Variants in TEKT5 observed in about 807,000 individuals in gnomAD.
The protein encoded by TEKT5 is tektin-5.
TEKT5 carries 52 observed loss-of-function variants against 48.7 expected under a neutral mutation model. That is an observed-to-expected ratio of 1.07 (90% CI 0.86 to 1.35). The LOEUF (loss-of-function observed/expected upper bound fraction) is 1.35, where lower values mean the gene tolerates loss of function less well. Among genes scored for constraint, TEKT5 ranks in the 40% most tolerant of loss-of-function variants. The pLI is 0.00. For missense variants in TEKT5, 831 were observed against 641.6 expected, an observed-to-expected ratio of 1.30 and a Z score of -3.19; for synonymous variants, 318 against 267.6, an observed-to-expected ratio of 1.19 and a Z score of -1.84.
intron 3 of TEKT5, among the ~76,000 whole-genome samples, chr16:10,684,951 G>A (rs1007310968): frequency 4.6e-5 from 7 of 152,258 alleles, no homozygotes; most frequent in Non-Finnish European, 8.8e-5. Context: ...TTGGCCACCT[G>A]AGCAGGTCAG....
At chr16:10,630,071 G>A (rs1279539740) in intron 6 of TEKT5, among the ~76,000 whole-genome samples, 1 of 151,996 alleles carries the variant, frequency 6.6e-6, no homozygotes, top group Non-Finnish European at 1.5e-5. Context: ...AAGTACCTGG[G>A]TCTACAGGCG....
chr16:10,676,451 C>T (rs1406947811), intron 4 of TEKT5, among the ~76,000 whole-genome samples: 1 of 152,142 alleles, frequency 6.6e-6, no homozygotes, highest in Non-Finnish European at 1.5e-5. Context: ...TGTTGAGAAC[C>T]ACTGTCCTGA....
At chr16:10,646,783 G>A (rs1375038053) in intron 5 of TEKT5, among the ~76,000 whole-genome samples, 1 of 152,198 alleles carries the variant, frequency 6.6e-6, no homozygotes, top group Admixed American at 6.6e-5. Flanking sequence ...CACCTAGGAA[G>A]GAGGCCAGCC....
rs541645091 is a variant in TEKT5, at chr16:10,646,563, C to G, written c.1087-10645G>C. Among the ~76,000 whole-genome samples, 7 of 152,288 alleles carry G rather than the reference C, an allele frequency of 4.6e-5. No homozygotes were observed. The East Asian group carries it at 1.2e-3, about 25-fold the overall frequency. ...GACTGAATGAGGTTGGGCCCATAACCTATGGGCACCAAGAAATTGCTTAAA... is the reference window on the plus strand; with the variant it reads ...GACTGAATGAGGTTGGGCCCATAACGTATGGGCACCAAGAAATTGCTTAAA... On this transcript the variant is annotated intron_variant, in intron 5 of 6. Coordinates refer to ENST00000283025, the MANE Select transcript of TEKT5 (RefSeq NM_144674.2).
intron 6 of TEKT5, among the ~76,000 whole-genome samples, chr16:10,628,753 A>T (rs191136368): frequency 3.9e-5 from 6 of 152,138 alleles, no homozygotes; most frequent in Non-Finnish European, 8.8e-5. Flanking sequence ...GAAAATACAA[A>T]AAGTTAGCCA....
Position 10,694,652 on chromosome 16 carries a change from C to G in TEKT5, c.222G>C (p.Pro74=). ...AGCGCAGTGTGGGCAGGATGGTGGGCGGCCGCAGGGTACTGGTGCTCTCGT... is the reference window on the plus strand; with the variant it reads ...AGCGCAGTGTGGGCAGGATGGTGGGGGGCCGCAGGGTACTGGTGCTCTCGT... ...CPDESTSTLR[P]PTILPTLRSA... is the part of the protein sequence containing the mutation. Residue 74 remains proline, a synonymous_variant, in exon 1 of 7, where the codon CCG becomes CCC. Coordinates refer to ENST00000283025, the MANE Select transcript of TEKT5 (RefSeq NM_144674.2). 6.2e-7 allele frequency: 1 copy of G among 1,612,648 alleles called. No homozygotes were observed. The highest frequency in any genetic ancestry group is 8.5e-7 in the Non-Finnish European group (1 of 1,179,288).
At chr16:10,690,067 TATGTAG>T (rs1355281347) in intron 1 of TEKT5, 42 bp from the exon 2 acceptor site, 2 of 1,601,430 alleles carry the variant, frequency 1.2e-6, no homozygotes, top group South Asian at 2.2e-5. Flanking sequence ...CCTGTAGCTG[TATGTAG>T]ACCCTGAGCA....
At chr16:10,630,482 C>A (rs943307683) in intron 6 of TEKT5, among the ~76,000 whole-genome samples, 2 of 152,108 alleles carry the variant, frequency 1.3e-5, no homozygotes, top group Non-Finnish European at 2.9e-5. Flanking sequence ...CTTAAGTGAT[C>A]CTCCTCCCTC....
chr16:10,628,888 T>C (rs1427263810), intron 6 of TEKT5, among the ~76,000 whole-genome samples: 1 of 139,128 alleles, frequency 7.2e-6, no homozygotes, highest in African/African-American at 3.0e-5. Flanking sequence ...CCTGGGAGCC[T>C]GAGCGAAACT....
intron 5 of TEKT5, among the ~76,000 whole-genome samples, chr16:10,657,859 C>T (rs1567229629): frequency 6.6e-6 from 1 of 151,928 alleles, no homozygotes; most frequent in Non-Finnish European, 1.5e-5. Flanking sequence ...CTCGGCCTCC[C>T]AAAGTGCCGG....
chr16:10,636,197 A>G (rs1303995103), intron 5 of TEKT5, among the ~76,000 whole-genome samples: 1 of 152,114 alleles, frequency 6.6e-6, no homozygotes, highest in Non-Finnish European at 1.5e-5. Flanking sequence ...CAACGTGGTG[A>G]AACCCCGTCT....
chr16:10,687,848 G>A lies in TEKT5; in HGVS notation c.719+1405C>T, dbSNP rs374649572. ...TTATTTTATTTTTTAAGCCTTTAAG[G>A]GTACATAGTAGGTGTATATATTTGT... On this transcript the variant is annotated intron_variant, in intron 3 of 6. Coordinates refer to ENST00000283025, the MANE Select transcript of TEKT5 (RefSeq NM_144674.2). Among the ~76,000 whole-genome samples the A allele has an allele frequency of 3.9e-5, 6 of 152,154 alleles. No homozygotes were observed. The East Asian group carries it at 1.2e-3, about 29-fold the overall frequency.
At chr16:10,666,233 G>C (rs1318177994) in intron 5 of TEKT5, among the ~76,000 whole-genome samples, 4 of 152,182 alleles carry the variant, frequency 2.6e-5, no homozygotes. Flanking sequence ...TAGTTTATAA[G>C]AGGGCAATTG....
At chr16:10,686,856 G>A (rs1898869778) in intron 3 of TEKT5, among the ~76,000 whole-genome samples, 1 of 152,154 alleles carries the variant, frequency 6.6e-6, no homozygotes, top group South Asian at 2.1e-4. Flanking sequence ...ACAGATGAAT[G>A]GATAAAGAAA....
chr16:10,642,572 C>T (rs1052747588), intron 5 of TEKT5, among the ~76,000 whole-genome samples: 9 of 152,260 alleles, frequency 5.9e-5, no homozygotes, highest in African/African-American at 1.9e-4. Flanking sequence ...TGGAATGCCC[C>T]CTCTTCTTGG....
At chr16:10,678,345 C>G (rs1898686121) in intron 4 of TEKT5, among the ~76,000 whole-genome samples, 1 of 152,130 alleles carries the variant, frequency 6.6e-6, no homozygotes. Flanking sequence ...GATTCGCCCA[C>G]CTCAGCCTCC....
intron 5 of TEKT5, among the ~76,000 whole-genome samples, chr16:10,673,646 ATTTTTTTTTTTTT>A (rs60322821): frequency 9.5e-6 from 1 of 105,772 alleles, no homozygotes; most frequent in Non-Finnish European, 1.9e-5. Flanking sequence ...CACCCATTCT[ATTTTTTTTTTTTT>A]TTTTTTTTTG....
chr16:10,638,666 A>G (rs1448912994), intron 5 of TEKT5, among the ~76,000 whole-genome samples: 1 of 152,332 alleles, frequency 6.6e-6, no homozygotes, highest in East Asian at 1.9e-4. Context: ...CTAGAGATGC[A>G]CCTGCTGTTC....
chr16:10,643,866 C>T (rs183243914), intron 5 of TEKT5, among the ~76,000 whole-genome samples: 52 of 152,110 alleles, frequency 3.4e-4, no homozygotes, highest in Non-Finnish European at 6.3e-4. Flanking sequence ...AGTGAGACCC[C>T]CGTCTCTACT....
Sources: allele counts gnomAD v4.1 joint callset (sites outside exome capture counted in the v4.1 genomes callset), GRCh38; gene constraint gnomAD v4.1.1; transcripts MANE v1.5; gene names NCBI Gene and HGNC (gene_info 2026-07-23, HGNC 2026-07-21).